The following ELMOD1 variants were observed in gnomAD, a reference collection of about 807,000 sequenced individuals.
ELMOD1 encodes ELMO domain containing 1.
ELMOD1 carries 21 observed loss-of-function variants against 46.7 expected under a neutral mutation model. The observed-to-expected ratio is 0.45, with a 90% CI of 0.32 to 0.65. The LOEUF is 0.65. Among genes scored for constraint, ELMOD1 ranks in the 30% least tolerant of loss-of-function variants. ELMOD1 has a pLI of 0.04. For missense variants in ELMOD1, 348 were observed against 407.8 expected, an observed-to-expected ratio of 0.85 and a Z score of 1.26; for synonymous variants, 122 against 138.2, an observed-to-expected ratio of 0.88 and a Z score of 0.82.
intron 1 of ELMOD1, among the ~76,000 whole-genome samples, chr11:107,595,207 A>G (rs904972872): frequency 3.3e-5 from 5 of 151,030 alleles, no homozygotes; most frequent in Non-Finnish European, 5.9e-5. Context: ...TTGAGTGTCC[A>G]TATGTGTGGT....
chr11:107,647,416 A>C (rs752062373), intron 6 of ELMOD1, 52 bp from the exon 7 acceptor site: 422 of 1,554,314 alleles, frequency 2.7e-4, no homozygotes, highest in Non-Finnish European at 3.5e-4. Context: ...CAAAATCTGA[A>C]CCAATAGGAA....
intron 1 of ELMOD1, among the ~76,000 whole-genome samples, chr11:107,610,493 G>A (rs1032289077): frequency 1.3e-5 from 2 of 151,666 alleles, no homozygotes; most frequent in African/African-American, 2.4e-5. Flanking sequence ...TCAAAACCCC[G>A]TCTGTACTAA....
intron 1 of ELMOD1, among the ~76,000 whole-genome samples, chr11:107,597,779 G>T (rs962868486): frequency 2.0e-5 from 3 of 152,130 alleles, no homozygotes; most frequent in African/African-American, 7.2e-5. Flanking sequence ...AGGTGCATCT[G>T]CTCTGTAACT....
At chr11:107,628,525 G>T (rs1251077955) in intron 2 of ELMOD1, among the ~76,000 whole-genome samples, 3 of 151,374 alleles carry the variant, frequency 2.0e-5, no homozygotes, top group African/African-American at 7.3e-5. Context: ...TTTATTTTTA[G>T]GGCTACTGGG....
intron 6 of ELMOD1, among the ~76,000 whole-genome samples, chr11:107,647,001 C>T (rs542266752): frequency 2.0e-5 from 3 of 149,944 alleles, no homozygotes; most frequent in East Asian, 3.9e-4. Flanking sequence ...TATCTACCTA[C>T]CATCTAATTT....
chr11:107,599,316 G>A (rs1417207159), intron 1 of ELMOD1, among the ~76,000 whole-genome samples: 1 of 151,386 alleles, frequency 6.6e-6, no homozygotes, highest in Admixed American at 6.6e-5. Flanking sequence ...AGCATTGTTA[G>A]AGTGTGCCAT....
At chr11:107,637,416 G>C (rs1470199270) in intron 6 of ELMOD1, among the ~76,000 whole-genome samples, 1 of 152,196 alleles carries the variant, frequency 6.6e-6, no homozygotes, top group Non-Finnish European at 1.5e-5. Flanking sequence ...AATCTGGCCA[G>C]GTGTGGTGGC....
At chr11:107,620,035 G>A (rs1026172715) in intron 2 of ELMOD1, 4 of 152,146 alleles carry the variant, frequency 2.6e-5, no homozygotes, top group Non-Finnish European at 5.9e-5. Flanking sequence ...ATTTTCTGTA[G>A]TCCATTTCCA....
rs940788934 is a variant in ELMOD1, at chr11:107,620,849, C to T, written c.17+2643C>T. ...ACTGCATTCCAGCCTGGCAAAAGAG[C>T]GAGACTCCGTCTCAAAAACAAAAAA... On this transcript the variant is annotated intron_variant, in intron 2 of 11. Coordinates refer to ENST00000265840, the MANE Select transcript of ELMOD1 (RefSeq NM_018712.4). Among the ~76,000 whole-genome samples, 8 of 151,984 alleles carry T rather than the reference C, an allele frequency of 5.3e-5. No individual in the cohort carries two copies. In the East Asian group the frequency reaches 1.5e-3, roughly 29 times the overall value.
intron 6 of ELMOD1, among the ~76,000 whole-genome samples, chr11:107,646,713 C>G (rs1343926849): frequency 6.6e-6 from 1 of 150,908 alleles, no homozygotes; most frequent in Non-Finnish European, 1.5e-5. Flanking sequence ...CCAGCCTGGG[C>G]AACAGAGTAA....
chr11:107,603,876 T>TA (rs34698436), intron 1 of ELMOD1, among the ~76,000 whole-genome samples: 88 of 134,588 alleles, frequency 6.5e-4, no homozygotes, highest in Middle Eastern at 3.9e-3. Context: ...AGACCTTGTC[T>TA]AAAAAAAAAA....
At chr11:107,650,482 A>G in intron 8 of ELMOD1, 79 bp downstream of exon 8, 1 of 1,035,542 alleles carries the variant, frequency 9.7e-7, no homozygotes, top group Non-Finnish European at 1.5e-6. Context: ...GTATCTGTTG[A>G]TGAGATTCTC....
At chr11:107,640,349 G>C (rs1017765427) in intron 6 of ELMOD1, among the ~76,000 whole-genome samples, 1 of 152,058 alleles carries the variant, frequency 6.6e-6, no homozygotes, top group Non-Finnish European at 1.5e-5. Flanking sequence ...TATTCCCATT[G>C]GTTTACAATA....
chr11:107,635,882 G>T, intron 6 of ELMOD1, 117 bp downstream of exon 6: 1 of 1,041,284 alleles, frequency 9.6e-7, no homozygotes, highest in Non-Finnish European at 1.3e-6. Flanking sequence ...TCAGACACGG[G>T]CACCTAACTG....
chr11:107,652,556 G>A (rs547868028), intron 9 of ELMOD1, among the ~76,000 whole-genome samples: 4 of 152,268 alleles, frequency 2.6e-5, no homozygotes, highest in Admixed American at 6.5e-5. Context: ...GAGACACTGT[G>A]TATTTATAAA....
At chr11:107,610,525 G>A (rs963239112) in intron 1 of ELMOD1, among the ~76,000 whole-genome samples, 2 of 151,908 alleles carry the variant, frequency 1.3e-5, no homozygotes, top group African/African-American at 4.8e-5. Context: ...TTAGCTGTGT[G>A]TGGTGGTGTA....
intron 9 of ELMOD1, among the ~76,000 whole-genome samples, chr11:107,651,928 T>G (rs1866533475): frequency 6.6e-6 from 1 of 152,230 alleles, no homozygotes; most frequent in Non-Finnish European, 1.5e-5. Flanking sequence ...GTATCTCCTG[T>G]GTCAGCCATC....
In ELMOD1 at chr11:107,656,669, T is replaced by G. The variant is rs139566161; in HGVS notation, c.832+603T>G. On this transcript the variant is annotated intron_variant, in intron 11 of 11. Transcript: ENST00000265840. ...TTTCAGGCATGGTAAATTCTTCTCT[T>G]TCCTGCTCTTGCATAATCTTCAGTG... is the stretch of plus-strand genomic sequence containing the variant. 5.9e-5 allele frequency among the ~76,000 whole-genome samples: 9 copies of G among 152,182 alleles called. No individual in the cohort carries two copies. The East Asian group carries it at 1.7e-3, about 29-fold the overall frequency.
At chr11:107,602,382 G>A (rs1679603930) in intron 1 of ELMOD1, among the ~76,000 whole-genome samples, 1 of 152,206 alleles carries the variant, frequency 6.6e-6, no homozygotes, top group Non-Finnish European at 1.5e-5. Flanking sequence ...CTCTTGGAGA[G>A]TTTCCTGTAT....
Sources: gnomAD v4.1 joint callset for allele counts (sites outside exome capture counted in the v4.1 genomes callset) on GRCh38, gnomAD v4.1.1 for gene constraint, MANE v1.5 for transcripts, NCBI Gene and HGNC (gene_info 2026-07-23, HGNC 2026-07-21) for gene names.